PRCD: variants seen among roughly 807,000 people sequenced by gnomAD.
PRCD encodes the protein photoreceptor disk component PRCD.
In PRCD, 12 loss-of-function variants were observed where a neutral mutation model predicts 10.1. That is an observed-to-expected ratio of 1.18 (90% CI 0.76 to 1.92). The LOEUF (loss-of-function observed/expected upper bound fraction) is 1.92, where lower values mean the gene tolerates loss of function less well. Ranked by LOEUF, PRCD falls within the 40% of genes most tolerant of loss-of-function variation. The probability of loss-of-function intolerance (pLI) is 0.00; values close to 1 mark genes in which losing one functional copy is unlikely to be tolerated. For missense variants in PRCD, 61 were observed against 72.2 expected (o/e 0.84, Z 0.56); for synonymous variants, 31 against 26.2 (o/e 1.18, Z -0.56).
At chr17:76,534,461 G>A (rs1030842704) in intron 1 of PRCD, among the ~76,000 whole-genome samples, 1 of 152,216 alleles carries the variant, frequency 6.6e-6, no homozygotes, top group African/African-American at 2.4e-5. Context: ...TTACAGGTGT[G>A]AGCCACGGTG....
chr17:76,544,324 C>T lies in PRCD; in HGVS notation c.*674C>T, dbSNP rs1207324664. 2 of 454,432 alleles carry T rather than the reference C, an allele frequency of 4.4e-6. No individual in the cohort carries two copies. The highest frequency in any genetic ancestry group is 8.8e-6 in the Non-Finnish European group (2 of 226,812). The allele number at this position is 454,432 out of a possible 1,614,324, so 28.1% of individuals were successfully genotyped here. On this transcript the variant is annotated 3_prime_UTR_variant, in exon 5 of 5. Transcript: ENST00000592014. ...GTAGAAGATGGAGTTCTCTAGACAG[C>T]AGCACTTCAGCCGCCACTCTGCCTC...
At chr17:76,547,963 TACAC>T (rs1472592861), downstream of PRCD, among the ~76,000 whole-genome samples, 3 of 148,544 alleles carry the variant, frequency 2.0e-5, no homozygotes, top group Admixed American at 1.3e-4. Context: ...TACACACACA[TACAC>T]ATAAACATAC....
chr17:76,532,485 C>A (rs949842405), intron 1 of PRCD, among the ~76,000 whole-genome samples: 4 of 152,150 alleles, frequency 2.6e-5, no homozygotes, highest in Admixed American at 2.0e-4. Context: ...CACCCTCTGA[C>A]CCCCTGCCCT....
chr17:76,543,816 T>C lies in PRCD; in HGVS notation c.*166T>C, dbSNP rs2075020408. 1 of 471,082 alleles carries C rather than the reference T, an allele frequency of 2.1e-6. No individual in the cohort carries two copies. The highest frequency in any genetic ancestry group is 1.5e-5 in the South Asian group (1 of 64,554). The allele number at this position is 471,082 out of a possible 1,614,324, so 29.2% of individuals were successfully genotyped here. A position where few individuals can be genotyped will look rare whatever the true frequency, so the allele number is the denominator to read the frequency against. ...GCCTTTCCCCAGTTCCCAGAGCTCA[T>C]CCTGTCACTGGCTGCTCTGCTGAAA... On this transcript the variant is annotated 3_prime_UTR_variant, in exon 5 of 5. Transcript: ENST00000592014.
In PRCD at chr17:76,531,312, C is replaced by T. The variant is rs1464242114; in HGVS notation, n.45+3479C>T. ...AAGGGTTGCCCTGGACCCAGCCCCT[C>T]CATCCTGCTGCCGGGCACTGCCCCT... On this transcript the variant is annotated intron_variant and non_coding_transcript_variant, in intron 1 of 4. Coordinates refer to the PRCD transcript ENST00000397633. This position sits in a 1 kb window ranked among gnomAD's most constrained non-coding sequence, Gnocchi z 7.4. The T allele has an allele frequency of 2.5e-5, 30 of 1,205,414 alleles. No homozygotes were observed. In the South Asian group the frequency reaches 4.2e-4, roughly 17 times the overall value. 74.7% of individuals were successfully genotyped at this position (1,205,414 alleles called of 1,614,324 possible).
chr17:76,543,822 C>T lies in PRCD; in HGVS notation c.*172C>T, dbSNP rs377242069. On this transcript the variant is annotated 3_prime_UTR_variant, in exon 5 of 5. Transcript: ENST00000592014. ...CCCCAGTTCCCAGAGCTCATCCTGT[C>T]ACTGGCTGCTCTGCTGAAATTATCA... 2 of 471,096 alleles carry T rather than the reference C, an allele frequency of 4.2e-6. No homozygotes were observed. The allele number at this position is 471,096 out of a possible 1,614,324, so 29.2% of individuals were successfully genotyped here. A position where few individuals can be genotyped will look rare whatever the true frequency, so the allele number is the denominator to read the frequency against.
rs1567906417 is a variant in PRCD, at chr17:76,531,183, CCCTGCGT to C, written n.45+3356_45+3362del. ...GGAAGGGGGAGTGAACGCCCGGGCG[CCCTGCGT>C]CCTGCAACCCCCAGGCCCCTCCGCC... On this transcript the variant is annotated intron_variant and non_coding_transcript_variant, in intron 1 of 4. Transcript: ENST00000397633. This position sits in a 1 kb window ranked among gnomAD's most constrained non-coding sequence, Gnocchi z 7.4. The C allele has an allele frequency of 1.3e-6, 2 of 1,589,702 alleles. No homozygotes were observed. The highest frequency in any genetic ancestry group is 8.6e-7 in the Non-Finnish European group (1 of 1,164,442).
upstream of PRCD, among the ~76,000 whole-genome samples, chr17:76,535,810 T>C (rs4789308): frequency 0.98 from 148,847 of 152,178 alleles, 72,882 homozygotes; most frequent in Middle Eastern, 1. Flanking sequence ...TCAATGGTGT[T>C]CCATGATGTG....
At chr17:76,547,575 C>T (rs2075063773), downstream of PRCD, among the ~76,000 whole-genome samples, 1 of 152,174 alleles carries the variant, frequency 6.6e-6, no homozygotes, top group East Asian at 1.9e-4. Flanking sequence ...TAAAAATTTA[C>T]TAACAGACTC....
Position 76,528,625 on chromosome 17 carries a change from A to G in PRCD, n.45+792A>G. ...GTGGCCGGTGGGCTGTGGACGAGATAGGAAGGGAAGGACAAACGTTACCAG... is the reference window on the plus strand; with the variant it reads ...GTGGCCGGTGGGCTGTGGACGAGATGGGAAGGGAAGGACAAACGTTACCAG... On this transcript the variant is annotated intron_variant and non_coding_transcript_variant, in intron 1 of 4. Transcript: ENST00000397633. The surrounding 1 kb of genome is among the most constrained non-coding windows in gnomAD (Gnocchi z 5.8). 1 of 1,273,226 alleles carries G rather than the reference A, an allele frequency of 7.9e-7. No homozygotes were observed. Among genetic ancestry groups the G allele is most frequent in the Non-Finnish European group, 1.0e-6 (1 of 1,001,024 alleles). 78.9% of individuals were successfully genotyped at this position (1,273,226 alleles called of 1,614,324 possible). A position where few individuals can be genotyped will look rare whatever the true frequency, so the allele number is the denominator to read the frequency against.
Position 76,530,946 on chromosome 17 carries a change from G to A in PRCD, n.45+3113G>A, listed in dbSNP as rs761493203. On this transcript the variant is annotated intron_variant and non_coding_transcript_variant, in intron 1 of 4. Transcript: ENST00000397633. This position sits in a 1 kb window ranked among gnomAD's most constrained non-coding sequence, Gnocchi z 6.1. ...GGGACAGCAGAGGACATGGCGGGGA[G>A]GCTGCCCAGCCCACCCTCGCCCGCC... is the stretch of plus-strand genomic sequence containing the variant. 2.3e-5 allele frequency: 35 copies of A among 1,536,778 alleles called. No individual in the cohort carries two copies. The African/African-American group carries it at 4.1e-4, about 18-fold the overall frequency.
upstream of PRCD, among the ~76,000 whole-genome samples, chr17:76,539,670 G>A (rs978053048): frequency 3.3e-5 from 5 of 152,196 alleles, no homozygotes; most frequent in African/African-American, 9.7e-5. Context: ...CTTCGGCAGC[G>A]TCTTCTGTCT....
chr17:76,542,474 G>A (rs1273542258), intron 2 of PRCD, 79 bp from the exon 3 acceptor site: 17 of 1,512,048 alleles, frequency 1.1e-5, no homozygotes, highest in Non-Finnish European at 1.6e-5. Context: ...ATAGGGATGG[G>A]AGGAGGAGGA....
chr17:76,527,870 C>T (rs760296517), intron 1 of PRCD: 5 of 445,918 alleles, frequency 1.1e-5, no homozygotes, highest in South Asian at 4.7e-5. Flanking sequence ...GGGGAGCCCA[C>T]TCCTTTCTGC....
At chr17:76,543,632 G>T (rs2075018143) in intron 4 of PRCD, among the ~76,000 whole-genome samples, 171 bp from the exon 5 acceptor site, 1 of 152,238 alleles carries the variant, frequency 6.6e-6, no homozygotes, top group African/African-American at 2.4e-5. Context: ...ACCATGGCAG[G>T]CGGCCTCCCC....
chr17:76,540,447 G>A lies in PRCD; in HGVS notation c.75-58G>A. The stretch of plus-strand genomic sequence containing the variant: ...CCCAATGCGGCCTGGACCTGTGGAG[G>A]GACAGTGAGGGGCTGGGCACAGCCA... On this transcript the variant is annotated intron_variant, in intron 1 of 4. Transcript: ENST00000592014. This position sits in a 1 kb window ranked among gnomAD's most constrained non-coding sequence, Gnocchi z 5.0. 6.3e-6 allele frequency: 10 copies of A among 1,580,124 alleles called. No individual in the cohort carries two copies. The South Asian group carries it at 7.7e-5, about 12-fold the overall frequency.
At chr17:76,538,843 G>A (rs1410890148), upstream of PRCD, among the ~76,000 whole-genome samples, 4 of 152,246 alleles carry the variant, frequency 2.6e-5, no homozygotes, top group Admixed American at 6.5e-5. Flanking sequence ...TCAGGCTCCC[G>A]GCGACCCCTG....
rs2143180168 is a variant in PRCD, at chr17:76,544,825, A to G, written c.*1175A>G. ...TTGCTCATCTCCTTCCACTGGTCTGAGGAATTGTCAGGCCAAGGTCATGGA... is the reference window on the plus strand; with the variant it reads ...TTGCTCATCTCCTTCCACTGGTCTGGGGAATTGTCAGGCCAAGGTCATGGA... On this transcript the variant is annotated 3_prime_UTR_variant, in exon 5 of 5. Coordinates refer to ENST00000592014, the MANE Select transcript of PRCD (RefSeq NM_001077620.3). 3 of 456,790 alleles carry G rather than the reference A, an allele frequency of 6.6e-6. No homozygotes were observed. Among genetic ancestry groups the G allele is most frequent in the South Asian group, 3.1e-5 (2 of 64,572 alleles). 28.3% of individuals were successfully genotyped at this position (456,790 alleles called of 1,614,324 possible). A position where few individuals can be genotyped will look rare whatever the true frequency, so the allele number is the denominator to read the frequency against.
downstream of PRCD, chr17:76,546,828 T>C (rs954410331): frequency 2.0e-5 from 3 of 152,228 alleles, no homozygotes; most frequent in East Asian, 3.8e-4. This position sits in a 1 kb window ranked among gnomAD's most constrained non-coding sequence, Gnocchi z 4.5. Flanking sequence ...GTTTCATTTA[T>C]GCGGCAGGAA....
Sources: allele counts gnomAD v4.1 joint callset (sites outside exome capture counted in the v4.1 genomes callset), GRCh38; gene constraint gnomAD v4.1.1; non-coding constraint Gnocchi (gnomAD v3.1); transcripts MANE v1.5; gene names NCBI Gene and HGNC (gene_info 2026-07-23, HGNC 2026-07-21).